The following SEMA6A variants were observed in gnomAD, a reference collection of about 807,000 sequenced individuals.
The protein encoded by SEMA6A is semaphorin 6A.
SEMA6A carries 25 observed loss-of-function variants against 96.8 expected under a neutral mutation model. That is an observed-to-expected ratio of 0.26 (90% CI 0.19 to 0.36). The LOEUF (loss-of-function observed/expected upper bound fraction) is 0.36. Among genes scored for constraint, SEMA6A ranks in the 10% least tolerant of loss-of-function variants. The pLI is 1.00. For missense variants in SEMA6A, 1,363 were observed against 1,323.1 expected (o/e 1.03, Z -0.47); for synonymous variants, 612 against 518.0 (o/e 1.18, Z -2.46).
chr5:116,486,552 T>C, intron 10 of SEMA6A, 197 bp downstream of exon 10: 1 of 543,592 alleles, frequency 1.8e-6, no homozygotes, highest in Non-Finnish European at 3.3e-6. Flanking sequence ...TCTAATTACT[T>C]CCCCTAAAAC....
chr5:116,464,404 A>G (rs1172797037), intron 18 of SEMA6A, among the ~76,000 whole-genome samples: 2 of 152,222 alleles, frequency 1.3e-5, no homozygotes, highest in Non-Finnish European at 2.9e-5. Flanking sequence ...AGCAAGGACA[A>G]GAGACATTAG....
intron 1 of SEMA6A, among the ~76,000 whole-genome samples, chr5:116,524,793 C>CACACACACACACAG (rs1561516642): frequency 6.6e-6 from 1 of 152,158 alleles, no homozygotes; most frequent in Non-Finnish European, 1.5e-5. Flanking sequence ...CACACAGACA[C>CACACACACACACAG]ACACACACAC....
intron 1 of SEMA6A, among the ~76,000 whole-genome samples, chr5:116,569,635 G>C (rs1246829389): frequency 6.6e-6 from 1 of 152,188 alleles, no homozygotes; most frequent in Admixed American, 6.5e-5. Flanking sequence ...TGGCCAATTT[G>C]AGGGCCACAG....
At chr5:116,548,402 G>GCC (rs1221892559) in intron 1 of SEMA6A, among the ~76,000 whole-genome samples, 8 of 152,166 alleles carry the variant, frequency 5.3e-5, no homozygotes, top group African/African-American at 1.7e-4. Flanking sequence ...CCAAGGTCCT[G>GCC]CTTGGGTTCT....
Position 116,473,090 on chromosome 5 carries a change from G to A in SEMA6A, c.1712C>T (p.Ser571Phe). Residue 571 changes from serine (S) to phenylalanine (F), a missense_variant, in exon 17 of 19, where the codon TCC (serine) becomes TTC (phenylalanine). Around this residue, in one of 2 missense-constraint regions of SEMA6A, gnomAD observed 883 missense variants for 763.6 expected, o/e 1.16. Coordinates refer to ENST00000343348, the MANE Select transcript of SEMA6A (RefSeq NM_020796.5). ...TTCCTTACCATTCAGTGCCACAAAG[G>A]AATCTGAAAGACAAAAGGGAGGAGA... ...NTDGLGDCHN[S>F]FVALNGHSSS... The A allele has an allele frequency of 6.3e-7, 1 of 1,593,836 alleles. No individual in the cohort carries two copies. The highest frequency in any genetic ancestry group is 8.6e-7 in the Non-Finnish European group (1 of 1,169,180).
intron 1 of SEMA6A, among the ~76,000 whole-genome samples, chr5:116,547,522 T>C (rs1760231744): frequency 6.6e-6 from 1 of 151,944 alleles, no homozygotes. Context: ...ATTCATCATT[T>C]TCCCCTCATT....
intron 17 of SEMA6A, chr5:116,472,713 C>G: frequency 5.3e-6 from 3 of 561,594 alleles, no homozygotes; most frequent in Non-Finnish European, 9.1e-6. Flanking sequence ...AATTGTCTCA[C>G]ATAGGCAGAG....
intron 1 of SEMA6A, chr5:116,562,952 T>C (rs1580521073): frequency 1.8e-6 from 1 of 561,488 alleles, no homozygotes; most frequent in Non-Finnish European, 3.4e-6. Flanking sequence ...ATAGAGGACG[T>C]CCCCCCCATC....
At chr5:116,457,965 C>T (rs1344498079) in intron 18 of SEMA6A, among the ~76,000 whole-genome samples, 1 of 152,230 alleles carries the variant, frequency 6.6e-6, no homozygotes, top group South Asian at 2.1e-4. Flanking sequence ...TAGTTTGAGG[C>T]CAGTCTCAGG....
chr5:116,477,947 T>C (rs552251394), intron 14 of SEMA6A, 21 bp from the exon 15 acceptor site: 4 of 1,607,528 alleles, frequency 2.5e-6, no homozygotes, highest in Non-Finnish European at 3.4e-6. Context: ...AGGATGACCA[T>C]GAGCTACCTA....
chr5:116,512,801 C>A (rs1368648996), intron 1 of SEMA6A, among the ~76,000 whole-genome samples: 1 of 152,042 alleles, frequency 6.6e-6, no homozygotes, highest in African/African-American at 2.4e-5. Flanking sequence ...TCATGGCCCA[C>A]TGGGACTCTG....
intron 17 of SEMA6A, chr5:116,472,744 A>C (rs576297364): frequency 1.4e-5 from 9 of 621,616 alleles, no homozygotes; most frequent in Non-Finnish European, 2.1e-5. Flanking sequence ...AGGACGGTGA[A>C]ATTAATAAAT....
intron 15 of SEMA6A, among the ~76,000 whole-genome samples, chr5:116,477,355 C>A (rs957835520): frequency 1.3e-5 from 2 of 152,168 alleles, no homozygotes; most frequent in South Asian, 2.1e-4. Context: ...GTCAACTGTT[C>A]TTCAGCGCAG....
intron 12 of SEMA6A, among the ~76,000 whole-genome samples, 190 bp from the exon 13 acceptor site, chr5:116,478,908 G>A (rs182532671): frequency 1.4e-5 from 2 of 147,982 alleles, no homozygotes; most frequent in Non-Finnish European, 3.0e-5. Context: ...GGCTCCAAAG[G>A]GGAGGAAGGA....
intron 1 of SEMA6A, among the ~76,000 whole-genome samples, chr5:116,560,741 A>G (rs1760790935): frequency 6.6e-6 from 1 of 151,926 alleles, no homozygotes; most frequent in African/African-American, 2.4e-5. Context: ...AAATAAAATC[A>G]CCTACCATTT....
In SEMA6A at chr5:116,473,087, A is replaced by G. The variant is rs756453421; in HGVS notation, c.1715T>C (p.Phe572Ser). ...ATCTTCCTTACCATTCAGTGCCACAAAGGAATCTGAAAGACAAAAGGGAGG... is the reference window on the plus strand; with the variant it reads ...ATCTTCCTTACCATTCAGTGCCACAGAGGAATCTGAAAGACAAAAGGGAGG... ...TDGLGDCHNS[F>S]VALNGHSSSL... is the part of the protein sequence containing the mutation. Residue 572 changes from phenylalanine to serine, a missense_variant, in exon 17 of 19, where the codon TTT becomes TCT. Physicochemically the swap from Phe to Ser is radical, Grantham distance 155. Around this residue, in one of 2 missense-constraint regions of SEMA6A, gnomAD observed 883 missense variants for 763.6 expected, o/e 1.16. Transcript: ENST00000343348. 7 of 1,594,546 alleles carry G rather than the reference A, an allele frequency of 4.4e-6. No individual in the cohort carries two copies. The South Asian group carries it at 6.9e-5, about 16-fold the overall frequency.
At chr5:116,463,246 T>C (rs939038370) in intron 18 of SEMA6A, among the ~76,000 whole-genome samples, 4 of 152,178 alleles carry the variant, frequency 2.6e-5, no homozygotes, top group Non-Finnish European at 5.9e-5. Flanking sequence ...GAAAAGGGCA[T>C]AAATTTCCAC....
Position 116,480,117 on chromosome 5 carries a change from C to G in SEMA6A, c.1250+5G>C, listed in dbSNP as rs778779527. 1 of 1,613,482 alleles carries G rather than the reference C, an allele frequency of 6.2e-7. No homozygotes were observed. Among genetic ancestry groups the G allele is most frequent in the Non-Finnish European group, 8.5e-7 (1 of 1,179,630 alleles). ...CCATCAGGACACGGTTTGTTTGACA[C>G]CCACCTGACCATTGTTCTCAGGAAC... On this transcript the variant is annotated splice_donor_5th_base_variant and intron_variant, in intron 12 of 18. Transcript: ENST00000343348.
chr5:116,514,649 C>T (rs929388129), intron 1 of SEMA6A, among the ~76,000 whole-genome samples: 4 of 152,174 alleles, frequency 2.6e-5, no homozygotes, highest in Non-Finnish European at 5.9e-5. Context: ...CAGCTGAGAA[C>T]TCCTGACTTC....
Sources: allele counts gnomAD v4.1 joint callset (sites outside exome capture counted in the v4.1 genomes callset), GRCh38; gene constraint gnomAD v4.1.1; regional missense constraint gnomAD v4.1.1; transcripts MANE v1.5; gene names NCBI Gene and HGNC (gene_info 2026-07-23, HGNC 2026-07-21).